PEBP4: variants seen among roughly 807,000 people sequenced by gnomAD.
PEBP4 encodes phosphatidylethanolamine-binding protein 4.
Under a neutral mutation model 23.9 loss-of-function variants are expected in PEBP4, and 22 were observed. The observed-to-expected ratio is 0.92, with a 90% CI of 0.66 to 1.31. The LOEUF (loss-of-function observed/expected upper bound fraction) is 1.31, where lower values mean the gene tolerates loss of function less well. Among genes scored for constraint, PEBP4 ranks in the 40% most tolerant of loss-of-function variants. The pLI, the probability that PEBP4 is intolerant of heterozygous loss-of-function variation, is 0.00. For synonymous variants in PEBP4, 112 were observed against 99.3 expected (o/e 1.13, Z -0.76); for missense variants, 324 against 281.7 (o/e 1.15, Z -1.07).
intron 4 of PEBP4, among the ~76,000 whole-genome samples, chr8:22,740,934 T>C (rs1408307004): frequency 6.6e-6 from 1 of 152,148 alleles, no homozygotes; most frequent in Admixed American, 6.5e-5. Context: ...AGGGTGTTTG[T>C]TAGCTCCTTT....
intron 6 of PEBP4, among the ~76,000 whole-genome samples, chr8:22,721,744 C>G (rs1480461624): frequency 6.6e-6 from 1 of 152,170 alleles, no homozygotes; most frequent in Non-Finnish European, 1.5e-5. Context: ...CACGGATTCT[C>G]TCCCCTGGAG....
chr8:22,878,037 C>T (rs1808160592), intron 3 of PEBP4: 1 of 152,322 alleles, frequency 6.6e-6, no homozygotes, highest in South Asian at 2.1e-4. Flanking sequence ...TCTTTAGAGA[C>T]TCAACCTGTG....
intron 1 of PEBP4, among the ~76,000 whole-genome samples, chr8:22,935,220 A>G (rs941391670): frequency 4.6e-5 from 7 of 152,202 alleles, no homozygotes; most frequent in African/African-American, 7.2e-5. Flanking sequence ...CAGAAGACCA[A>G]TTAAAGAAAT....
chr8:22,804,970 C>T (rs770814218), intron 4 of PEBP4, among the ~76,000 whole-genome samples: 5 of 152,160 alleles, frequency 3.3e-5, no homozygotes, highest in Non-Finnish European at 5.9e-5. Flanking sequence ...CCACTCTGCT[C>T]ACAGGTTTCC....
chr8:22,759,200 G>A (rs1018758409), intron 4 of PEBP4, among the ~76,000 whole-genome samples: 1 of 152,098 alleles, frequency 6.6e-6, no homozygotes, highest in Non-Finnish European at 1.5e-5. Context: ...TTGCTGTCAG[G>A]GGTGGGGGCT....
At chr8:22,844,910 G>C (rs1238930687) in intron 3 of PEBP4, among the ~76,000 whole-genome samples, 2 of 152,186 alleles carry the variant, frequency 1.3e-5, no homozygotes, top group African/African-American at 4.8e-5. Flanking sequence ...CTGGCACAAG[G>C]AAAGGTGGGC....
intron 4 of PEBP4, among the ~76,000 whole-genome samples, chr8:22,768,876 G>A (rs558572669): frequency 3.3e-5 from 5 of 152,304 alleles, no homozygotes; most frequent in East Asian, 3.9e-4. Flanking sequence ...GGAACCGCCC[G>A]TTCCTATCCT....
intron 2 of PEBP4, 74 bp downstream of exon 2, chr8:22,927,509 TG>T: frequency 6.6e-7 from 1 of 1,515,896 alleles, no homozygotes; most frequent in Non-Finnish European, 8.8e-7. Flanking sequence ...TTCTTGGTTC[TG>T]GATATACCCC....
chr8:22,888,422 G>A (rs1808427564), intron 3 of PEBP4, among the ~76,000 whole-genome samples: 1 of 152,142 alleles, frequency 6.6e-6, no homozygotes, highest in Non-Finnish European at 1.5e-5. Context: ...CCAAAGTGTT[G>A]GGATTACCGG....
chr8:22,716,262 C>A (rs535670756), intron 6 of PEBP4, among the ~76,000 whole-genome samples: 1 of 152,314 alleles, frequency 6.6e-6, no homozygotes, highest in South Asian at 2.1e-4. Context: ...GGGTGCTGTT[C>A]TCATCCTGCA....
At chr8:22,725,387 C>T (rs375195951) in intron 5 of PEBP4, among the ~76,000 whole-genome samples, 3 of 144,666 alleles carry the variant, frequency 2.1e-5, no homozygotes, top group East Asian at 4.4e-4. Flanking sequence ...ACTCAATCCC[C>T]AAAGAAGCCA....
intron 4 of PEBP4, among the ~76,000 whole-genome samples, chr8:22,817,284 T>A (rs1806764564): frequency 6.6e-6 from 1 of 152,198 alleles, no homozygotes; most frequent in African/African-American, 2.4e-5. Flanking sequence ...TGAAGCCAAT[T>A]GTTAACGTTT....
chr8:22,717,877 C>T (rs915142745), intron 6 of PEBP4, among the ~76,000 whole-genome samples: 1 of 152,190 alleles, frequency 6.6e-6, no homozygotes, highest in East Asian at 1.9e-4. Context: ...TGTAATTTGT[C>T]TGGCTCGTCA....
At chr8:22,855,357 C>T (rs1807623578) in intron 3 of PEBP4, among the ~76,000 whole-genome samples, 1 of 152,116 alleles carries the variant, frequency 6.6e-6, no homozygotes, top group South Asian at 2.1e-4. Flanking sequence ...AAGATCTGAA[C>T]AAAAAGTAAA....
At chr8:22,877,083 A>G (rs1456958277) in intron 3 of PEBP4, among the ~76,000 whole-genome samples, 2 of 152,204 alleles carry the variant, frequency 1.3e-5, no homozygotes, top group Non-Finnish European at 2.9e-5. Flanking sequence ...TTCCACCCTT[A>G]TAAACATATC....
chr8:22,934,922 T>C (rs1809514330), intron 1 of PEBP4, among the ~76,000 whole-genome samples: 1 of 152,174 alleles, frequency 6.6e-6, no homozygotes, highest in Non-Finnish European at 1.5e-5. Context: ...AGAGAAAGGA[T>C]TTAAAAAGAT....
chr8:22,874,646 A>T (rs555642585), intron 3 of PEBP4, among the ~76,000 whole-genome samples: 10 of 152,324 alleles, frequency 6.6e-5, no homozygotes, highest in Admixed American at 1.3e-4. Context: ...TTATTATTTT[A>T]AAAAACCAGT....
At chr8:22,732,742 C>A (rs2128749536) in intron 4 of PEBP4, among the ~76,000 whole-genome samples, 1 of 152,066 alleles carries the variant, frequency 6.6e-6, no homozygotes, top group East Asian at 1.9e-4. Context: ...GACTGCTTGG[C>A]ACAGGACTAG....
In PEBP4 at chr8:22,811,216, T is replaced by C. The variant is rs543137382; in HGVS notation, c.357+6421A>G. 1.3e-5 allele frequency among the ~76,000 whole-genome samples: 2 copies of C among 152,204 alleles called. 1 individual carries two copies. Among genetic ancestry groups the C allele is most frequent in the South Asian group, 4.1e-4 (2 of 4,836 alleles). ...CTCATTGAATGAAGTGAAAAAAAGC[T>C]ATTTCAAATGAACAATTATGCTGCA... is the stretch of plus-strand genomic sequence containing the variant. On this transcript the variant is annotated intron_variant, in intron 4 of 6. Coordinates refer to ENST00000256404, the MANE Select transcript of PEBP4 (RefSeq NM_144962.3).
Sources: allele counts gnomAD v4.1 joint callset (sites outside exome capture counted in the v4.1 genomes callset), GRCh38; gene constraint gnomAD v4.1.1; transcripts MANE v1.5; gene names NCBI Gene and HGNC (gene_info 2026-07-23, HGNC 2026-07-21).